The following NAV3 variants were observed in gnomAD, a reference collection of about 807,000 sequenced individuals.
NAV3 encodes the protein pore membrane and/or filament interacting like protein 1.
Under a neutral mutation model 244.7 loss-of-function variants are expected in NAV3, and 87 were observed. The ratio of observed to expected loss-of-function variants is 0.36; its 90% CI spans 0.30 to 0.42. The LOEUF is 0.42. Ranked by LOEUF, NAV3 falls within the 20% of genes least tolerant of loss-of-function variation. The pLI is 1.00. For missense variants in NAV3, 2,663 were observed against 2,893.3 expected, an observed-to-expected ratio of 0.92 and a Z score of 1.83; for synonymous variants, 1,126 against 1,042.2, an observed-to-expected ratio of 1.08 and a Z score of -1.55.
Position 78,185,652 on chromosome 12 carries a change from G to A in NAV3, c.5744G>A (p.Ser1915Asn), listed in dbSNP as rs370402305. The A allele has an allele frequency of 1.9e-6, 3 of 1,608,612 alleles. No individual in the cohort carries two copies. Among genetic ancestry groups the A allele is most frequent in the South Asian group, 2.2e-5 (2 of 90,920 alleles). ...GCAACTGGACATAAAGATGGCCGCA[G>A]TGTGAAAATTATAGTCTCCATAAGC... ...GDATGHKDGR[S>N]VKIIVSISKG... The change falls in exon 31 of 40, where the codon AGT becomes AAT. Residue 1915 changes from serine (S) to asparagine (N), a missense_variant. Physicochemically the swap from Ser to Asn is conservative, Grantham distance 46 (BLOSUM62 1). Coordinates refer to ENST00000397909, the MANE Select transcript of NAV3 (RefSeq NM_001024383.2).
chr12:77,679,715 C>A (rs74352846), intron 2 of NAV3, among the ~76,000 whole-genome samples: 1,857 of 152,182 alleles, frequency 0.012, 41 homozygotes, highest in African/African-American at 0.043. Context: ...GAAACAGCAG[C>A]CTGAGAGGCG....
intron 1 of NAV3, among the ~76,000 whole-genome samples, chr12:77,877,747 C>G (rs894069975): frequency 1.3e-5 from 2 of 152,076 alleles, no homozygotes; most frequent in African/African-American, 4.8e-5. Flanking sequence ...TACATAGAGA[C>G]TGTCTTCCGA....
chr12:77,779,398 A>T (rs981246426), intron 2 of NAV3, among the ~76,000 whole-genome samples: 4 of 152,208 alleles, frequency 2.6e-5, no homozygotes, highest in African/African-American at 9.7e-5. Context: ...ACCGCTGAAG[A>T]AGAGAAATTG....
At chr12:77,793,975 C>T (rs1038089537) in intron 2 of NAV3, among the ~76,000 whole-genome samples, 2 of 152,202 alleles carry the variant, frequency 1.3e-5, no homozygotes, top group East Asian at 3.9e-4. Context: ...CACAGCCTCA[C>T]CAGCATCTGT....
rs73149634 is a variant in NAV3 at position 78,206,668 on chromosome 12, C to T, written c.7038+1530C>T. Among the ~76,000 whole-genome samples, 470 of 152,092 alleles carry T rather than the reference C, an allele frequency of 3.1e-3. 1 individual carries two copies. Among genetic ancestry groups the T allele is most frequent in the Non-Finnish European group, 4.6e-3 (314 of 67,978 alleles). On this transcript the variant is annotated intron_variant, in intron 39 of 39. Coordinates refer to ENST00000397909, the MANE Select transcript of NAV3 (RefSeq NM_001024383.2). Reference sequence around the variant, plus strand: ...ACAAATTCAAGGTTTTCCCTTCTGGCATGAGAATTGGGGTAAAAAAATTTC... The same window carrying T: ...ACAAATTCAAGGTTTTCCCTTCTGGTATGAGAATTGGGGTAAAAAAATTTC...
At chr12:77,608,865 C>A (rs146857787) in intron 2 of NAV3, among the ~76,000 whole-genome samples, 192 of 152,164 alleles carry the variant, frequency 1.3e-3, no homozygotes, top group Admixed American at 5.1e-3. Context: ...TTTCTCCAGG[C>A]ATTTGTATGA....
At chr12:77,636,797 G>C (rs1872176665) in intron 2 of NAV3, among the ~76,000 whole-genome samples, 1 of 151,968 alleles carries the variant, frequency 6.6e-6, no homozygotes, top group Admixed American at 6.6e-5. Flanking sequence ...TATACATAGA[G>C]TACTATGCAG....
chr12:77,589,130 A>G (rs1869782219), intron 2 of NAV3, among the ~76,000 whole-genome samples: 1 of 152,220 alleles, frequency 6.6e-6, no homozygotes, highest in Admixed American at 6.5e-5. Context: ...GAAACATTTT[A>G]TAATTTTTCT....
chr12:77,659,046 T>C (rs1873284530), intron 2 of NAV3, among the ~76,000 whole-genome samples: 3 of 151,840 alleles, frequency 2.0e-5, no homozygotes, highest in African/African-American at 7.3e-5. Flanking sequence ...GACATAGGCA[T>C]GGGCAAGGAC....
chr12:77,754,156 C>T (rs143042058), intron 2 of NAV3, among the ~76,000 whole-genome samples: 94 of 152,132 alleles, frequency 6.2e-4, no homozygotes, highest in East Asian at 4.6e-3. Context: ...TAATAATGAG[C>T]GAACCTTTCT....
chr12:77,868,285 C>T (rs1880391029), intron 1 of NAV3, among the ~76,000 whole-genome samples: 1 of 151,856 alleles, frequency 6.6e-6, no homozygotes, highest in African/African-American at 2.4e-5. Context: ...GTATGAGTGC[C>T]TTAAATGTTA....
At chr12:78,090,686 T>G (rs1469688631) in intron 12 of NAV3, among the ~76,000 whole-genome samples, 1 of 152,082 alleles carries the variant, frequency 6.6e-6, no homozygotes, top group South Asian at 2.1e-4. Flanking sequence ...ATATTTTAAG[T>G]TTTTCAGGAA....
At position 77,663,768 on chromosome 12, in the gene NAV3, G is replaced by A. The variant is rs575015043; in HGVS notation, c.72+91502G>A. On this transcript the variant is annotated intron_variant, in intron 2 of 8. Transcript: ENST00000550042. ...ACTCCTGATCTCAGGTAATTCGCCC[G>A]CCTTGGCCTTTCAAAGTGCTGGGAT... Among the ~76,000 whole-genome samples the A allele has an allele frequency of 9.2e-5, 14 of 152,172 alleles. No homozygotes were observed. In the South Asian group the frequency reaches 2.1e-3, roughly 23 times the overall value.
chr12:77,650,519 A>G, intron 2 of NAV3, among the ~76,000 whole-genome samples: 1 of 152,182 alleles, frequency 6.6e-6, no homozygotes, highest in South Asian at 2.1e-4. Context: ...TAATTAGCCC[A>G]ATGCAGGATT....
intron 2 of NAV3, among the ~76,000 whole-genome samples, chr12:77,740,676 A>G (rs1320955974): frequency 1.3e-5 from 2 of 152,192 alleles, no homozygotes; most frequent in Non-Finnish European, 2.9e-5. Flanking sequence ...CATCTGGAGT[A>G]TTGAAACTTG....
intron 7 of NAV3, among the ~76,000 whole-genome samples, chr12:78,005,720 A>G (rs137947251): frequency 1.5e-3 from 224 of 152,320 alleles, no homozygotes; most frequent in Non-Finnish European, 2.4e-3. Context: ...TTAGATACCT[A>G]AATCATTGAA....
chr12:78,176,521 T>G, intron 26 of NAV3, 62 bp downstream of exon 26: 1 of 1,541,648 alleles, frequency 6.5e-7, no homozygotes, highest in Non-Finnish European at 8.9e-7. Context: ...TTGGCATGAA[T>G]GCTATCCATT....
chr12:78,089,832 C>T (rs937315231), intron 12 of NAV3, among the ~76,000 whole-genome samples: 3 of 152,102 alleles, frequency 2.0e-5, no homozygotes, highest in Non-Finnish European at 2.9e-5. Context: ...ATGTATCTAT[C>T]CAACTTCATC....
intron 30 of NAV3, among the ~76,000 whole-genome samples, chr12:78,181,778 C>G (rs777613664): frequency 2.0e-5 from 3 of 151,968 alleles, no homozygotes; most frequent in Non-Finnish European, 4.4e-5. Context: ...ATGTATGTTC[C>G]TAGCCAACGT....
Sources: allele counts gnomAD v4.1 joint callset (sites outside exome capture counted in the v4.1 genomes callset), GRCh38; gene constraint gnomAD v4.1.1; transcripts MANE v1.5; gene names NCBI Gene and HGNC (gene_info 2026-07-23, HGNC 2026-07-21).